The following FBN2 variants were observed in gnomAD, a reference collection of about 807,000 sequenced individuals.
FBN2 encodes the protein fibrillin 2.
Under a neutral mutation model 355.6 loss-of-function variants are expected in FBN2, and 105 were observed. The ratio of observed to expected loss-of-function variants is 0.30; its 90% CI spans 0.25 to 0.35. The LOEUF (loss-of-function observed/expected upper bound fraction) is 0.35, where lower values mean the gene tolerates loss of function less well. Among genes scored for constraint, FBN2 ranks in the 10% least tolerant of loss-of-function variants. The pLI is 1.00. For missense variants in FBN2, 3,280 were observed against 3,758.7 expected (o/e 0.87, Z 3.33); for synonymous variants, 1,350 against 1,301.2 (o/e 1.04, Z -0.81).
chr5:128,538,130 C>A lies in FBN2; in HGVS notation c.-527G>T. The A allele has an allele frequency of 6.4e-6, 1 of 156,114 alleles. No homozygotes were observed. The highest frequency in any genetic ancestry group is 1.7e-4 in the South Asian group (1 of 5,724). The allele number at this position is 156,114 out of a possible 1,614,324, so 9.7% of individuals were successfully genotyped here. ...GGTTCCCTCCGGGCTCGCTCGGAGT[C>A]CCACAGGGCAACGAAGCGCGGGTAG... On this transcript the variant is annotated 5_prime_UTR_variant, in exon 1 of 65. Transcript: ENST00000262464.
At chr5:128,454,344 G>C (rs1029557419) in intron 6 of FBN2, among the ~76,000 whole-genome samples, 1 of 152,252 alleles carries the variant, frequency 6.6e-6, no homozygotes, top group South Asian at 2.1e-4. Context: ...CTATAATTGA[G>C]TTTGCTTTAA....
chr5:128,289,115 G>A lies in FBN2; in HGVS notation c.6637+12C>T, dbSNP rs747012310. ...GAACTTTAAAATTCTGTAATGTGGAGCCAACACTCACCCACACAGCGTACT... is the reference window on the plus strand; with the variant it reads ...GAACTTTAAAATTCTGTAATGTGGAACCAACACTCACCCACACAGCGTACT... On this transcript the variant is annotated intron_variant, in intron 52 of 64. Coordinates refer to ENST00000262464, the MANE Select transcript of FBN2 (RefSeq NM_001999.4). The A allele has an allele frequency of 2.5e-6, 4 of 1,613,738 alleles. No homozygotes were observed. Among genetic ancestry groups the A allele is most frequent in the East Asian group, 2.2e-5 (1 of 44,862 alleles).
intron 11 of FBN2, 69 bp downstream of exon 11, chr5:128,391,949 C>CA: frequency 1.4e-6 from 2 of 1,405,630 alleles, no homozygotes; most frequent in South Asian, 2.3e-5. Context: ...ATATTCATTC[C>CA]AATTTGATCC....
chr5:128,368,316 T>C (rs1037150144), intron 16 of FBN2, among the ~76,000 whole-genome samples: 3 of 151,574 alleles, frequency 2.0e-5, no homozygotes, highest in East Asian at 1.9e-4. Flanking sequence ...GTCAATGTTA[T>C]TGACCTAAGA....
chr5:128,334,101 G>A (rs1416791077), intron 31 of FBN2, among the ~76,000 whole-genome samples: 2 of 152,002 alleles, frequency 1.3e-5, no homozygotes, highest in Non-Finnish European at 2.9e-5. Context: ...CATGCAAAAG[G>A]CTAAAACTAG....
At chr5:128,336,906 C>T (rs932506772) in intron 27 of FBN2, among the ~76,000 whole-genome samples, 30 of 152,072 alleles carry the variant, frequency 2.0e-4, no homozygotes, top group Admixed American at 6.5e-4. Context: ...ATTCCAAATT[C>T]TCAAAATAAC....
intron 34 of FBN2, among the ~76,000 whole-genome samples, chr5:128,321,533 AC>A (rs766630517): frequency 2.6e-5 from 4 of 152,118 alleles, no homozygotes; most frequent in Non-Finnish European, 5.9e-5. Context: ...ATGAGTGAGA[AC>A]ATGCAGTGTT....
At chr5:128,503,658 T>G (rs976375956) in intron 5 of FBN2, among the ~76,000 whole-genome samples, 1 of 152,170 alleles carries the variant, frequency 6.6e-6, no homozygotes, top group African/African-American at 2.4e-5. Flanking sequence ...TTAGGATATC[T>G]GGTGGAAGAA....
intron 6 of FBN2, among the ~76,000 whole-genome samples, chr5:128,447,506 A>G (rs1443513118): frequency 1.3e-5 from 2 of 152,100 alleles, no homozygotes; most frequent in Non-Finnish European, 2.9e-5. Context: ...CCGCCTAATA[A>G]ATTTTGGTCA....
chr5:128,382,316 A>G (rs544064594), intron 11 of FBN2, among the ~76,000 whole-genome samples: 40 of 152,098 alleles, frequency 2.6e-4, no homozygotes, highest in African/African-American at 9.4e-4. Context: ...ATAATTCTCC[A>G]TATTATTTTG....
intron 5 of FBN2, among the ~76,000 whole-genome samples, chr5:128,516,500 C>T (rs1756284569): frequency 6.6e-6 from 1 of 151,970 alleles, no homozygotes; most frequent in Non-Finnish European, 1.5e-5. Context: ...ATCATGCCAG[C>T]CATTGGTTAC....
intron 7 of FBN2, among the ~76,000 whole-genome samples, chr5:128,409,080 T>G (rs935492631): frequency 2.6e-5 from 4 of 152,160 alleles, no homozygotes; most frequent in Non-Finnish European, 5.9e-5. Flanking sequence ...AGTAAAGATG[T>G]CAATGTTTTA....
At chr5:128,513,626 C>T (rs904298436) in intron 5 of FBN2, among the ~76,000 whole-genome samples, 1 of 152,172 alleles carries the variant, frequency 6.6e-6, no homozygotes, top group African/African-American at 2.4e-5. Context: ...CAGATCTAAA[C>T]AGCAGACTCT....
At chr5:128,349,035 C>T (rs1751270599) in intron 23 of FBN2, among the ~76,000 whole-genome samples, 1 of 152,192 alleles carries the variant, frequency 6.6e-6, no homozygotes, top group African/African-American at 2.4e-5. Context: ...CTCCAACTTT[C>T]CTGCTGTGTT....
intron 32 of FBN2, among the ~76,000 whole-genome samples, chr5:128,331,546 A>G (rs1320854829): frequency 6.6e-6 from 1 of 152,216 alleles, no homozygotes; most frequent in Non-Finnish European, 1.5e-5. Context: ...AATGGGTTAT[A>G]GTGAAGACTA....
intron 1 of FBN2, among the ~76,000 whole-genome samples, chr5:128,536,945 A>G (rs1756862989): frequency 6.6e-6 from 1 of 152,086 alleles, no homozygotes; most frequent in South Asian, 2.1e-4. Context: ...TGAACCCTGC[A>G]CACGTCCTCA....
At chr5:128,536,508 G>A (rs772150980) in intron 1 of FBN2, 24 bp from the exon 2 acceptor site, 8 of 1,577,112 alleles carry the variant, frequency 5.1e-6, no homozygotes, top group Non-Finnish European at 4.4e-6. Flanking sequence ...GCGCGGTCAC[G>A]TAACAGATAG....
chr5:128,502,642 G>A (rs940478051), intron 5 of FBN2, among the ~76,000 whole-genome samples: 1 of 152,160 alleles, frequency 6.6e-6, no homozygotes, highest in Admixed American at 6.5e-5. Context: ...ATGGTGGAGA[G>A]ATAAAAGAGA....
intron 48 of FBN2, among the ~76,000 whole-genome samples, chr5:128,297,604 C>T (rs547257853): frequency 6.6e-6 from 1 of 152,270 alleles, no homozygotes; most frequent in African/African-American, 2.4e-5. Context: ...CCTTCTTTGT[C>T]TCTTTTGATC....
Sources: gnomAD v4.1 joint callset for allele counts (sites outside exome capture counted in the v4.1 genomes callset) on GRCh38, gnomAD v4.1.1 for gene constraint, MANE v1.5 for transcripts, NCBI Gene and HGNC (gene_info 2026-07-23, HGNC 2026-07-21) for gene names.